Variants in PCCA observed in about 807,000 individuals in gnomAD.
PCCA encodes propionyl-CoA carboxylase alpha chain, mitochondrial.
In PCCA, 74 loss-of-function variants were observed where a neutral mutation model predicts 101.3. The observed-to-expected ratio is 0.73, with a 90% CI of 0.61 to 0.89. The LOEUF is 0.89. Ranked by LOEUF, PCCA falls within the 40% of genes least tolerant of loss-of-function variation. The pLI is 0.00. For missense variants in PCCA, 891 were observed against 907.0 expected (o/e 0.98, Z 0.23); for synonymous variants, 294 against 313.6 (o/e 0.94, Z 0.66).
At chr13:100,477,053 C>T (rs997121427) in intron 21 of PCCA, among the ~76,000 whole-genome samples, 1 of 152,128 alleles carries the variant, frequency 6.6e-6, no homozygotes, top group Non-Finnish European at 1.5e-5. Flanking sequence ...TGTTTATATA[C>T]AAAAGGTAAT....
chr13:100,385,151 G>C lies in PCCA; in HGVS notation c.1746+16577G>C, dbSNP rs377022840. ...TTGAGGAAAATACCTTATTTTCTGT[G>C]AATAGTTTTTTAAAATTAAAACATA... On this transcript the variant is annotated intron_variant, in intron 19 of 23. Transcript: ENST00000376285. Among the ~76,000 whole-genome samples the C allele has an allele frequency of 1.1e-3, 166 of 152,166 alleles. 6 individuals carry two copies. In the South Asian group the frequency reaches 0.031, roughly 29 times the overall value.
At chr13:100,285,491 G>A (rs1177327659) in intron 12 of PCCA, among the ~76,000 whole-genome samples, 1 of 152,204 alleles carries the variant, frequency 6.6e-6, no homozygotes, top group Non-Finnish European at 1.5e-5. Context: ...CTGTTTAAGT[G>A]TAGTTGCAGC....
intron 1 of PCCA, among the ~76,000 whole-genome samples, chr13:100,099,076 C>A (rs760438115): frequency 6.6e-6 from 1 of 152,066 alleles, no homozygotes; most frequent in African/African-American, 2.4e-5. Context: ...GCTCCATTAA[C>A]CCAGTTTTGA....
chr13:100,388,756 T>C (rs967244754), intron 19 of PCCA, among the ~76,000 whole-genome samples: 36 of 152,122 alleles, frequency 2.4e-4, no homozygotes, highest in African/African-American at 6.8e-4. Flanking sequence ...GATTGCAACA[T>C]TGGACTCCAG....
At chr13:100,174,566 A>G (rs911590457) in intron 6 of PCCA, among the ~76,000 whole-genome samples, 3 of 150,798 alleles carry the variant, frequency 2.0e-5, no homozygotes, top group Non-Finnish European at 4.4e-5. Context: ...CGTCCCTACT[A>G]AAAACACAAA....
Position 100,224,594 on chromosome 13 carries a change from CCT to C in PCCA, c.601-11244_601-11243del, listed in dbSNP as rs201106639. Among the ~76,000 whole-genome samples the C allele has an allele frequency of 3.7e-3, 565 of 152,380 alleles. 3 individuals are homozygous for C. The highest frequency in any genetic ancestry group is 0.013 in the African/African-American group (537 of 41,596). On this transcript the variant is annotated intron_variant, in intron 7 of 23. Coordinates refer to ENST00000376285, the MANE Select transcript of PCCA (RefSeq NM_000282.4). ...TGTGAGGACTGCCAGCACGCTGTCA[CCT>C]CTCACTTCTTCAGGAGGACTGCAAG... is the stretch of plus-strand genomic sequence containing the variant.
intron 18 of PCCA, among the ~76,000 whole-genome samples, chr13:100,341,570 C>CT (rs746318680): frequency 3.9e-4 from 59 of 152,206 alleles, no homozygotes; most frequent in Non-Finnish European, 3.4e-4. Flanking sequence ...CTGGGCAACT[C>CT]TAAGAGGCTT....
chr13:100,382,890 C>G (rs752773816), intron 19 of PCCA, among the ~76,000 whole-genome samples: 4 of 151,778 alleles, frequency 2.6e-5, no homozygotes, highest in Non-Finnish European at 5.9e-5. Flanking sequence ...TGTCATCAAC[C>G]AGTTAAATCT....
chr13:100,481,361 T>C (rs1315324069), intron 21 of PCCA, among the ~76,000 whole-genome samples: 2 of 152,074 alleles, frequency 1.3e-5, no homozygotes, highest in African/African-American at 4.8e-5. Context: ...AGTTTGAGAC[T>C]AGCCTGGGCA....
intron 19 of PCCA, among the ~76,000 whole-genome samples, chr13:100,422,113 T>C (rs9513755): frequency 0.086 from 11,264 of 131,208 alleles, 768 homozygotes; most frequent in Middle Eastern, 0.15. Flanking sequence ...TTTCTTTCTT[T>C]CTTTCTTTTC....
At chr13:100,197,475 C>T (rs755127266) in intron 6 of PCCA, among the ~76,000 whole-genome samples, 3 of 151,338 alleles carry the variant, frequency 2.0e-5, no homozygotes, top group Non-Finnish European at 4.4e-5. Context: ...GACAGAGTGT[C>T]GCTTTGTCAC....
At chr13:100,285,460 A>C (rs2064534837) in intron 12 of PCCA, among the ~76,000 whole-genome samples, 1 of 152,208 alleles carries the variant, frequency 6.6e-6, no homozygotes, top group Non-Finnish European at 1.5e-5. Context: ...AAATTGATGT[A>C]GTAGCAAAAG....
intron 16 of PCCA, among the ~76,000 whole-genome samples, chr13:100,315,275 A>T (rs1159694271): frequency 2.6e-5 from 4 of 152,014 alleles, no homozygotes; most frequent in Non-Finnish European, 5.9e-5. Flanking sequence ...TAATTTCAAA[A>T]TTTAAAAAAT....
intron 12 of PCCA, among the ~76,000 whole-genome samples, chr13:100,290,505 T>C (rs1194991038): frequency 6.6e-6 from 1 of 152,188 alleles, no homozygotes; most frequent in Non-Finnish European, 1.5e-5. Context: ...AGCCGTTGTG[T>C]CTGGCTCTAA....
chr13:100,292,586 C>T (rs1566878865), intron 12 of PCCA, among the ~76,000 whole-genome samples: 1 of 152,140 alleles, frequency 6.6e-6, no homozygotes, highest in African/African-American at 2.4e-5. Flanking sequence ...TTTACTCTTA[C>T]TGTTGTCATT....
intron 7 of PCCA, among the ~76,000 whole-genome samples, chr13:100,234,929 C>T (rs543605818): frequency 3.5e-4 from 53 of 150,754 alleles, no homozygotes; most frequent in Non-Finnish European, 6.1e-4. Context: ...CACATACCCA[C>T]ACACACGAAG....
At chr13:100,106,208 T>G in intron 2 of PCCA, among the ~76,000 whole-genome samples, 1 of 152,120 alleles carries the variant, frequency 6.6e-6, no homozygotes, top group Non-Finnish European at 1.5e-5. Context: ...AAGTTAAGAT[T>G]CCACTGAACT....
chr13:100,137,998 A>G (rs970432043), intron 4 of PCCA, among the ~76,000 whole-genome samples: 5 of 151,958 alleles, frequency 3.3e-5, no homozygotes, highest in African/African-American at 9.7e-5. Context: ...TATGTTGTCC[A>G]GGCTGGTCTT....
At position 100,302,977 on chromosome 13, in the gene PCCA, AG is replaced by A; in HGVS notation, c.1264del (p.Glu422AsnfsTer27). ...CTATTGGGAGATTGTCTCAGTACCA[AG>A]AACCGTTACATCTACCTGGTGTAAG... ...PSIGRLSQYQ[E>X]PLHLPGVRVD... On this transcript the variant is annotated frameshift_variant, in exon 14 of 24. Transcript: ENST00000376285. LOFTEE classifies it high-confidence loss of function. 1 of 1,601,432 alleles carries A rather than the reference AG, an allele frequency of 6.2e-7. No homozygotes were observed. The highest frequency in any genetic ancestry group is 1.1e-5 in the South Asian group (1 of 90,834).
Sources: allele counts gnomAD v4.1 joint callset (sites outside exome capture counted in the v4.1 genomes callset), GRCh38; gene constraint gnomAD v4.1.1; transcripts MANE v1.5; gene names NCBI Gene and HGNC (gene_info 2026-07-23, HGNC 2026-07-21).